The following FADS2 variants were observed in gnomAD, a reference collection of about 807,000 sequenced individuals.
The protein encoded by FADS2 is fatty acid desaturase 2.
In FADS2, 18 loss-of-function variants were observed where a neutral mutation model predicts 61.2. That is an observed-to-expected ratio of 0.29 (90% CI 0.20 to 0.44). The LOEUF is 0.44. Ranked by LOEUF, FADS2 falls within the 20% of genes least tolerant of loss-of-function variation. The pLI is 1.00. For synonymous variants in FADS2, 203 were observed against 223.9 expected, an observed-to-expected ratio of 0.91 and a Z score of 0.83; for missense variants, 322 against 572.7, an observed-to-expected ratio of 0.56 and a Z score of 4.47.
chr11:61,857,595 G>A (rs896208717), intron 7 of FADS2, 65 bp downstream of exon 7: 13 of 1,395,934 alleles, frequency 9.3e-6, no homozygotes, highest in East Asian at 4.6e-5. Context: ...GGACCCGGGG[G>A]TCCTACGCTG....
Position 61,816,859 on chromosome 11 carries a change from G to A in FADS2, c.141+433G>A. Reference sequence around the variant, plus strand: ...GTGGATTTGCTGGCGCGCGCCCAGAGCCAGCCGCCTGCGCGCCGGGTTTTC... The same window carrying A: ...GTGGATTTGCTGGCGCGCGCCCAGAACCAGCCGCCTGCGCGCCGGGTTTTC... On this transcript the variant is annotated intron_variant, in intron 1 of 11. Transcript: ENST00000257261. The surrounding 1 kb of genome is among the most constrained non-coding windows in gnomAD (Gnocchi z 7.0). 6.7e-7 allele frequency: 1 copy of A among 1,481,722 alleles called. No individual in the cohort carries two copies. The allele number at this position is 1,481,722 out of a possible 1,614,324, so 91.8% of individuals were successfully genotyped here. A position where few individuals can be genotyped will look rare whatever the true frequency, so the allele number is the denominator to read the frequency against.
chr11:61,852,130 G>A (rs1440697445), intron 5 of FADS2, among the ~76,000 whole-genome samples: 2 of 152,144 alleles, frequency 1.3e-5, no homozygotes, highest in Non-Finnish European at 1.5e-5. Flanking sequence ...GCCTGGGCTG[G>A]GCTGTCTGTC....
At chr11:61,863,917 G>A (rs1431496599) in intron 10 of FADS2, 131 bp downstream of exon 10, 1 of 749,246 alleles carries the variant, frequency 1.3e-6, no homozygotes, top group Non-Finnish European at 2.3e-6. Context: ...CCAATATAGA[G>A]CAAGGCTCCC....
chr11:61,866,260 A>ACCCGAGGC lies in FADS2; in HGVS notation c.*573_*580dup. The ACCCGAGGC allele has an allele frequency of 2.8e-6, 1 of 353,766 alleles. No homozygotes were observed. The highest frequency in any genetic ancestry group is 5.0e-6 in the Non-Finnish European group (1 of 198,178). 21.9% of individuals were successfully genotyped at this position (353,766 alleles called of 1,614,324 possible). A position where few individuals can be genotyped will look rare whatever the true frequency, so the allele number is the denominator to read the frequency against. ...TCTCCCTCCTGCAGCTCGGTTAAGT[A>ACCCGAGGC]CCCGAGGCCTCTCTTAAGATGTCCA... is the stretch of plus-strand genomic sequence containing the variant. On this transcript the variant is annotated 3_prime_UTR_variant, in exon 12 of 12. Coordinates refer to ENST00000278840, the MANE Select transcript of FADS2 (RefSeq NM_004265.4).
At chr11:61,850,425 AT>A (rs2067296132) in intron 5 of FADS2, among the ~76,000 whole-genome samples, 1 of 151,848 alleles carries the variant, frequency 6.6e-6, no homozygotes, top group Admixed American at 6.6e-5. Context: ...TAATTTTCTC[AT>A]TTTTAGTAGA....
At chr11:61,822,894 A>G (rs1410680019) in intron 1 of FADS2, among the ~76,000 whole-genome samples, 1 of 152,208 alleles carries the variant, frequency 6.6e-6, no homozygotes, top group Non-Finnish European at 1.5e-5. Context: ...ATTTTTGTAT[A>G]TAGATATTGG....
chr11:61,857,553 T>C, intron 7 of FADS2, 23 bp downstream of exon 7: 1 of 1,602,988 alleles, frequency 6.2e-7, no homozygotes, highest in Non-Finnish European at 8.5e-7. Flanking sequence ...CACAGCTGGC[T>C]TGGCATGGGG....
At position 61,848,289 on chromosome 11, in the gene FADS2, G is replaced by T. The variant is rs867184224; in HGVS notation, c.744+5G>T. 2 of 1,613,994 alleles carry T rather than the reference G, an allele frequency of 1.2e-6. No homozygotes were observed. The highest frequency in any genetic ancestry group is 1.7e-6 in the Non-Finnish European group (2 of 1,179,950). ...GGCGAATGGCAGCCCATCGAGGTAC[G>T]ACTAAGAGGATGGTGTTGACCTAGG... On this transcript the variant is annotated splice_donor_5th_base_variant and intron_variant, in intron 5 of 11. Coordinates refer to ENST00000278840, the MANE Select transcript of FADS2 (RefSeq NM_004265.4).
rs58136105 is a variant in FADS2, at chr11:61,861,353, C to CAAA, written c.883-1603_883-1601dup. ...TGGGCGACAGAGCGAGACTCCCTCT[C>CAAA]AAAAAAAAAAAAAAAAAACAGAAAT... On this transcript the variant is annotated intron_variant, in intron 7 of 11. Coordinates refer to ENST00000278840, the MANE Select transcript of FADS2 (RefSeq NM_004265.4). Among the ~76,000 whole-genome samples, 87 of 29,748 alleles carry CAAA rather than the reference C, an allele frequency of 2.9e-3. 7 individuals are homozygous for CAAA. The highest frequency in any genetic ancestry group is 5.2e-3 in the Non-Finnish European group (71 of 13,616). 19.5% of individuals were successfully genotyped at this position (29,748 alleles called of 152,430 possible).
At chr11:61,841,392 G>A (rs2067215546) in intron 4 of FADS2, among the ~76,000 whole-genome samples, 1 of 151,586 alleles carries the variant, frequency 6.6e-6, no homozygotes, top group African/African-American at 2.4e-5. Flanking sequence ...CCTTTCACTG[G>A]GGATGTGAGC....
At chr11:61,853,018 G>A (rs1457726860) in intron 5 of FADS2, among the ~76,000 whole-genome samples, 1 of 152,110 alleles carries the variant, frequency 6.6e-6, no homozygotes, top group Non-Finnish European at 1.5e-5. Context: ...AGCTGGGCAT[G>A]GTGGCACACG....
chr11:61,819,470 C>T (rs889488005), intron 1 of FADS2, among the ~76,000 whole-genome samples: 13 of 152,134 alleles, frequency 8.5e-5, no homozygotes, highest in Admixed American at 5.2e-4. Context: ...TGCTTGAATC[C>T]GGGAGGCAGA....
chr11:61,861,371 A>AAACAAAAAAAAAAC lies in FADS2; in HGVS notation c.883-1601_883-1600insAACAAAAAAAAAAC, dbSNP rs1555078396. 1.9e-5 allele frequency among the ~76,000 whole-genome samples: 2 copies of AAACAAAAAAAAAAC among 106,458 alleles called. 1 individual carries two copies. Among genetic ancestry groups the AAACAAAAAAAAAAC allele is most frequent in the Non-Finnish European group, 4.3e-5 (2 of 46,266 alleles). The allele number at this position is 106,458 out of a possible 152,430, so 69.8% of individuals were successfully genotyped here. A position where few individuals can be genotyped will look rare whatever the true frequency, so the allele number is the denominator to read the frequency against. ...TCCCTCTCAAAAAAAAAAAAAAAAA[A>AAACAAAAAAAAAAC]CAGAAATTAGCTACTCGGGAGGCTG... On this transcript the variant is annotated intron_variant, in intron 7 of 11. Transcript: ENST00000278840.
At chr11:61,858,172 TA>T (rs1399840670) in intron 7 of FADS2, among the ~76,000 whole-genome samples, 2 of 152,094 alleles carry the variant, frequency 1.3e-5, no homozygotes, top group African/African-American at 2.4e-5. Context: ...TATCCCTCTT[TA>T]AAAAAATTAT....
At position 61,863,111 on chromosome 11, in the gene FADS2, C is replaced by T. The variant is rs745871047; in HGVS notation, c.980+42C>T. The T allele has an allele frequency of 1.9e-6, 3 of 1,555,744 alleles. No homozygotes were observed. In the Admixed American group the frequency reaches 5.0e-5, roughly 26 times the overall value. ...GATTCATCCCTGGGCCCTCCACTGG[C>T]ACTGATGATGGCTTTGGCATGAGAA... On this transcript the variant is annotated intron_variant, in intron 8 of 11. Coordinates refer to ENST00000278840, the MANE Select transcript of FADS2 (RefSeq NM_004265.4).
intron 7 of FADS2, chr11:61,862,661 T>C (rs11605884): frequency 0.068 from 25,581 of 373,956 alleles, 2,465 homozygotes; most frequent in Admixed American, 0.3. Context: ...AGAATCGCCC[T>C]TGCCCCACGA....
In FADS2 at chr11:61,847,968, T is replaced by C; in HGVS notation, c.619-191T>C. On this transcript the variant is annotated intron_variant, in intron 4 of 11. Coordinates refer to ENST00000278840, the MANE Select transcript of FADS2 (RefSeq NM_004265.4). The stretch of plus-strand genomic sequence containing the variant: ...TGAAGCCTAGAGAGATAAAGTGACT[T>C]CACTCCATCTGGGGCTGGCGCATGC... 3.3e-6 allele frequency: 2 copies of C among 606,286 alleles called. 1 individual carries two copies. Among genetic ancestry groups the C allele is most frequent in the South Asian group, 3.9e-5 (2 of 51,166 alleles). The allele number at this position is 606,286 out of a possible 1,614,324, so 37.6% of individuals were successfully genotyped here.
At chr11:61,817,123 T>A in intron 1 of FADS2, 2 of 399,138 alleles carry the variant, frequency 5.0e-6, no homozygotes, top group Non-Finnish European at 7.9e-6. Context: ...GCGGTTCTAG[T>A]GCAGGCCCTG....
upstream of FADS2, among the ~76,000 whole-genome samples, chr11:61,824,511 G>GAAAGAA (rs2067065326): frequency 8.7e-6 from 1 of 115,418 alleles, no homozygotes; most frequent in East Asian, 3.7e-4. Flanking sequence ...AGGAAAGAAA[G>GAAAGAA]AAAGAAAGAA....
Sources: allele counts gnomAD v4.1 joint callset (sites outside exome capture counted in the v4.1 genomes callset), GRCh38; gene constraint gnomAD v4.1.1; non-coding constraint Gnocchi (gnomAD v3.1); transcripts MANE v1.5; gene names NCBI Gene and HGNC (gene_info 2026-07-23, HGNC 2026-07-21).